The following TENM3 variants were observed in gnomAD, a reference collection of about 807,000 sequenced individuals.
TENM3 encodes the protein teneurin-3.
In TENM3, 63 loss-of-function variants were observed where a neutral mutation model predicts 255.1. The ratio of observed to expected loss-of-function variants is 0.25; its 90% CI spans 0.20 to 0.30. TENM3 has a LOEUF of 0.30. Ranked by LOEUF, TENM3 falls within the 10% of genes least tolerant of loss-of-function variation. TENM3 has a pLI of 1.00. For missense variants in TENM3, 2,929 were observed against 3,461.1 expected, an observed-to-expected ratio of 0.85 and a Z score of 3.86; for synonymous variants, 1,306 against 1,322.3, an observed-to-expected ratio of 0.99 and a Z score of 0.27.
chr4:182,206,233 C>T (rs933296126), intron 1 of TENM3, among the ~76,000 whole-genome samples: 2 of 152,174 alleles, frequency 1.3e-5, no homozygotes. Context: ...GGTTTCCTGG[C>T]TCCTCATGCC....
the TENM3 span, among the ~76,000 whole-genome samples, chr4:181,853,705 G>A: frequency 2.0e-5 from 3 of 152,158 alleles, no homozygotes; most frequent in Non-Finnish European, 2.9e-5. Context: ...AAGAATCACA[G>A]TTGTTAAGAA....
chr4:182,691,452 T>C (rs1757001355), intron 12 of TENM3, among the ~76,000 whole-genome samples: 2 of 152,252 alleles, frequency 1.3e-5, no homozygotes, highest in Non-Finnish European at 2.9e-5. Flanking sequence ...CATCCTACTG[T>C]CTTCATAAAC....
At chr4:181,655,933 C>G in the TENM3 span, among the ~76,000 whole-genome samples, 1 of 152,230 alleles carries the variant, frequency 6.6e-6, no homozygotes, top group South Asian at 2.1e-4. Context: ...TTTAAATATG[C>G]TAGAAGCCTC....
the TENM3 span, among the ~76,000 whole-genome samples, chr4:181,845,018 T>A: frequency 6.6e-6 from 1 of 152,262 alleles, no homozygotes; most frequent in Non-Finnish European, 1.5e-5. Context: ...TTATTTTGCA[T>A]ATTTTATATA....
the TENM3 span, among the ~76,000 whole-genome samples, chr4:181,628,878 T>A: frequency 5.8e-4 from 89 of 152,206 alleles, no homozygotes; most frequent in African/African-American, 1.7e-3. Flanking sequence ...GAAGAAAGTC[T>A]TTGGTAGCTT....
chr4:181,605,301 A>T, the TENM3 span, among the ~76,000 whole-genome samples: 1 of 151,540 alleles, frequency 6.6e-6, no homozygotes, highest in Non-Finnish European at 1.5e-5. Flanking sequence ...AAAGAAAAAA[A>T]AGAATTAGCC....
the TENM3 span, among the ~76,000 whole-genome samples, chr4:181,629,696 A>G: frequency 1.3e-5 from 2 of 152,152 alleles, no homozygotes; most frequent in African/African-American, 2.4e-5. Context: ...CCACTTGATC[A>G]TGGTGGATAA....
the TENM3 span, among the ~76,000 whole-genome samples, chr4:181,772,875 CA>C: frequency 6.6e-6 from 1 of 152,152 alleles, no homozygotes; most frequent in Non-Finnish European, 1.5e-5. Context: ...CCTAGAACTA[CA>C]CTTAATCTGG....
At chr4:181,748,200 A>C in the TENM3 span, among the ~76,000 whole-genome samples, 1 of 152,114 alleles carries the variant, frequency 6.6e-6, no homozygotes, top group African/African-American at 2.4e-5. Context: ...GAACTGAATT[A>C]TTATTAAATT....
At chr4:181,924,646 C>CT in the TENM3 span, among the ~76,000 whole-genome samples, 14 of 152,144 alleles carry the variant, frequency 9.2e-5, no homozygotes, top group Admixed American at 5.2e-4. Context: ...CCTTTTCTTA[C>CT]TTTTTTTACA....
Position 182,754,453 on chromosome 4 carries a change from T to A in TENM3, c.4086T>A (p.Asn1362Lys). ...ATAACTCCATTTATGTCCTGGATAA[T>A]AATGTAGTTTTACAGATCACTGAAA... ...PMDNSIYVLD[N>K]NVVLQITENR... Residue 1362 changes from asparagine (N) to lysine (K), a missense_variant, in exon 22 of 28, where the codon AAT becomes AAA. By Grantham distance (94) the Asn-to-Lys change is moderately conservative. Transcript: ENST00000511685. This position sits in a 1 kb window ranked among gnomAD's most constrained non-coding sequence, Gnocchi z 5.1. The A allele has an allele frequency of 6.2e-7, 1 of 1,612,000 alleles. No individual in the cohort carries two copies. The highest frequency in any genetic ancestry group is 8.5e-7 in the Non-Finnish European group (1 of 1,178,978).
the TENM3 span, among the ~76,000 whole-genome samples, chr4:181,713,314 C>A: frequency 6.6e-6 from 1 of 152,122 alleles, no homozygotes; most frequent in Non-Finnish European, 1.5e-5. Flanking sequence ...TTAGTTAGAC[C>A]ACGAAAAGGT....
Position 182,719,454 on chromosome 4 carries a change from G to GT in TENM3, c.2368+5223dup, listed in dbSNP as rs1240385738. 1.1e-4 allele frequency among the ~76,000 whole-genome samples: 17 copies of GT among 151,518 alleles called. No individual in the cohort carries two copies. The South Asian group carries it at 1.3e-3, about 11-fold the overall frequency. On this transcript the variant is annotated intron_variant, in intron 13 of 27. Coordinates refer to ENST00000511685, the MANE Select transcript of TENM3 (RefSeq NM_001080477.4). The stretch of plus-strand genomic sequence containing the variant: ...TTTTTGTATTTTTAGTAGAGACGGG[G>GT]TTCACCATGTTGGCCAGGATGGTCT...
At chr4:181,938,295 G>A in the TENM3 span, among the ~76,000 whole-genome samples, 4 of 152,072 alleles carry the variant, frequency 2.6e-5, no homozygotes, top group African/African-American at 7.2e-5. Flanking sequence ...CCAGAAAATC[G>A]TAACCTTTAG....
At chr4:181,921,083 A>G in the TENM3 span, among the ~76,000 whole-genome samples, 3 of 152,088 alleles carry the variant, frequency 2.0e-5, no homozygotes, top group African/African-American at 7.3e-5. Context: ...GTTCTCTTCC[A>G]TTCATCTATG....
chr4:181,950,852 G>A, the TENM3 span, among the ~76,000 whole-genome samples: 2 of 152,092 alleles, frequency 1.3e-5, no homozygotes, highest in Non-Finnish European at 2.9e-5. Flanking sequence ...ACCAGCCTGG[G>A]CAACATAGTG....
the TENM3 span, among the ~76,000 whole-genome samples, chr4:181,947,292 G>A: frequency 6.6e-6 from 1 of 152,180 alleles, no homozygotes; most frequent in Non-Finnish European, 1.5e-5. Context: ...TTTTAAAAAT[G>A]CAAAATTGAG....
At chr4:181,703,873 C>T in the TENM3 span, among the ~76,000 whole-genome samples, 1 of 151,896 alleles carries the variant, frequency 6.6e-6, no homozygotes, top group East Asian at 1.9e-4. Context: ...TATTAAATTG[C>T]GTTTCAACCT....
chr4:182,241,490 C>T (rs1437808301), upstream of TENM3, among the ~76,000 whole-genome samples: 2 of 148,602 alleles, frequency 1.3e-5, no homozygotes, highest in African/African-American at 2.5e-5. Context: ...TATCTTCAGT[C>T]GCTTCCTTTT....
Sources: allele counts gnomAD v4.1 joint callset (sites outside exome capture counted in the v4.1 genomes callset), GRCh38; gene constraint gnomAD v4.1.1; non-coding constraint Gnocchi (gnomAD v3.1); transcripts MANE v1.5; gene names NCBI Gene and HGNC (gene_info 2026-07-23, HGNC 2026-07-21).